Variants in CFAP61 observed in about 807,000 individuals in gnomAD.
CFAP61 encodes the protein cilia- and flagella-associated protein 61.
In CFAP61, 107 loss-of-function variants were observed where a neutral mutation model predicts 135.6. That is an observed-to-expected ratio of 0.79 (90% CI 0.67 to 0.93). The LOEUF is 0.93. CFAP61 is among the 40% of genes least tolerant of loss of function. The pLI is 0.00. For synonymous variants in CFAP61, 575 were observed against 578.5 expected, an observed-to-expected ratio of 0.99 and a Z score of 0.09; for missense variants, 1,507 against 1,556.2, an observed-to-expected ratio of 0.97 and a Z score of 0.53.
intron 25 of CFAP61, among the ~76,000 whole-genome samples, 161 bp from the exon 26 acceptor site, chr20:20,341,670 T>C (rs538380120): frequency 6.6e-6 from 1 of 152,304 alleles, no homozygotes; most frequent in Admixed American, 6.5e-5. Context: ...GAACATCCAT[T>C]TAAAAAATTG....
chr20:20,124,857 T>A (rs1306461303), intron 8 of CFAP61, among the ~76,000 whole-genome samples: 1 of 151,848 alleles, frequency 6.6e-6, no homozygotes, highest in Non-Finnish European at 1.5e-5. Context: ...CCTGGACTTT[T>A]TTTTGTTGGT....
intron 17 of CFAP61, 90 bp downstream of exon 17, chr20:20,199,992 G>T: frequency 1.4e-6 from 2 of 1,450,860 alleles, no homozygotes; most frequent in Non-Finnish European, 1.9e-6. Flanking sequence ...ACAGGAGCAG[G>T]CTGCTTCTTA....
At chr20:20,121,852 C>G (rs1036986372) in intron 8 of CFAP61, among the ~76,000 whole-genome samples, 1 of 151,818 alleles carries the variant, frequency 6.6e-6, no homozygotes, top group Non-Finnish European at 1.5e-5. Context: ...TTTTGTGACT[C>G]CTCTTTTCCT....
intron 25 of CFAP61, among the ~76,000 whole-genome samples, chr20:20,318,037 G>T (rs1458247896): frequency 3.9e-5 from 6 of 152,180 alleles, no homozygotes; most frequent in Non-Finnish European, 7.3e-5. Flanking sequence ...CCAGGGATCT[G>T]CTGGGCTTTT....
At chr20:20,106,876 A>C in intron 8 of CFAP61, among the ~76,000 whole-genome samples, 1 of 152,230 alleles carries the variant, frequency 6.6e-6, no homozygotes, top group Admixed American at 6.5e-5. Flanking sequence ...CGTGTTTAAA[A>C]TAATGTTGAT....
At chr20:20,251,817 C>T (rs1329478591) in intron 20 of CFAP61, 54 bp downstream of exon 20, 2 of 1,566,260 alleles carry the variant, frequency 1.3e-6, no homozygotes, top group African/African-American at 2.7e-5. Context: ...TCCATGAAAG[C>T]CATTCATATG....
intron 8 of CFAP61, among the ~76,000 whole-genome samples, chr20:20,140,017 A>G (rs1261343075): frequency 1.3e-5 from 2 of 152,012 alleles, no homozygotes; most frequent in African/African-American, 2.4e-5. Context: ...TTAATTCACA[A>G]GTTTTCTGCT....
chr20:20,070,199 G>A (rs2045605587), intron 2 of CFAP61, among the ~76,000 whole-genome samples: 1 of 152,070 alleles, frequency 6.6e-6, no homozygotes, highest in Admixed American at 6.6e-5. Context: ...TAACTCACTG[G>A]GTTACCTTAG....
intron 2 of CFAP61, among the ~76,000 whole-genome samples, chr20:20,066,022 A>G (rs943419783): frequency 9.2e-5 from 14 of 152,340 alleles, no homozygotes; most frequent in Admixed American, 7.8e-4. Flanking sequence ...AAAAGTGGGC[A>G]AACAGACACT....
At chr20:20,330,037 C>T (rs1368936743) in intron 25 of CFAP61, among the ~76,000 whole-genome samples, 1 of 152,194 alleles carries the variant, frequency 6.6e-6, no homozygotes, top group Non-Finnish European at 1.5e-5. Context: ...AGGAGGCGGT[C>T]AACAGACTCA....
chr20:20,175,519 G>A (rs138790478), intron 13 of CFAP61, among the ~76,000 whole-genome samples: 1 of 28,122 alleles, frequency 3.6e-5, no homozygotes, highest in African/African-American at 1.8e-4. Flanking sequence ...GTTTTGTTTT[G>A]TTTTGTTTTG....
intron 25 of CFAP61, among the ~76,000 whole-genome samples, chr20:20,306,054 G>A (rs1410265527): frequency 6.6e-6 from 1 of 152,212 alleles, no homozygotes; most frequent in African/African-American, 2.4e-5. Flanking sequence ...ATCCTATTCT[G>A]ATGAAAACTA....
At chr20:20,235,903 C>A (rs1250655145) in intron 18 of CFAP61, among the ~76,000 whole-genome samples, 3 of 152,142 alleles carry the variant, frequency 2.0e-5, no homozygotes, top group African/African-American at 7.2e-5. Flanking sequence ...AGACCCAGAG[C>A]AGGCAAAGCC....
intron 2 of CFAP61, among the ~76,000 whole-genome samples, chr20:20,064,788 A>G (rs188063918): frequency 6.6e-6 from 1 of 152,288 alleles, no homozygotes; most frequent in Non-Finnish European, 1.5e-5. Flanking sequence ...TTCAAATCAT[A>G]AAGTTAGTTT....
intron 25 of CFAP61, among the ~76,000 whole-genome samples, chr20:20,337,522 A>G (rs2058264318): frequency 3.5e-5 from 5 of 144,600 alleles, no homozygotes; most frequent in Non-Finnish European, 4.5e-5. Flanking sequence ...GGATGGATGG[A>G]TGGATGGATA....
intron 25 of CFAP61, among the ~76,000 whole-genome samples, chr20:20,337,572 G>A (rs776928024): frequency 0.19 from 607 of 3,132 alleles, 33 homozygotes; most frequent in Non-Finnish European, 0.4. Context: ...ATGGATGGAT[G>A]GATGGATAGA....
At chr20:20,311,647 G>A (rs560656853) in intron 25 of CFAP61, among the ~76,000 whole-genome samples, 1 of 152,196 alleles carries the variant, frequency 6.6e-6, no homozygotes, top group African/African-American at 2.4e-5. Flanking sequence ...GGGAGACCAA[G>A]GCAGGTGGAG....
chr20:20,306,830 A>G (rs2056504406), intron 25 of CFAP61, among the ~76,000 whole-genome samples: 2 of 152,230 alleles, frequency 1.3e-5, no homozygotes, highest in African/African-American at 4.8e-5. Context: ...TAAATCACAT[A>G]TTAATACTAA....
At chr20:20,144,649 T>A (rs1464415441) in intron 9 of CFAP61, among the ~76,000 whole-genome samples, 26 of 150,394 alleles carry the variant, frequency 1.7e-4, no homozygotes, top group African/African-American at 6.3e-4. Context: ...TGAAAAATGA[T>A]AAATTTGATG....
Sources: gnomAD v4.1 joint callset for allele counts (sites outside exome capture counted in the v4.1 genomes callset) on GRCh38, gnomAD v4.1.1 for gene constraint, MANE v1.5 for transcripts, NCBI Gene and HGNC (gene_info 2026-07-23, HGNC 2026-07-21) for gene names.